FAP: variants seen among roughly 807,000 people sequenced by gnomAD.
FAP encodes fibroblast activation protein alpha, also known as prolyl endopeptidase FAP.
Under a neutral mutation model 126.5 loss-of-function variants are expected in FAP, and 110 were observed. The observed-to-expected ratio is 0.87, with a 90% CI of 0.74 to 1.02. The LOEUF is 1.02. Ranked by LOEUF, FAP falls within the 50% of genes least tolerant of loss-of-function variation. The pLI is 0.00. For missense variants in FAP, 919 were observed against 909.2 expected (o/e 1.01, Z -0.14); for synonymous variants, 334 against 297.3 (o/e 1.12, Z -1.27).
At position 162,215,950 on chromosome 2, in the gene FAP, G is replaced by A; in HGVS notation, c.814C>T (p.Pro272Ser). The change falls in exon 10 of 26, where the codon CCT (proline) becomes TCT (serine). Residue 272 changes from proline (P) to serine (S), a missense_variant. Transcript: ENST00000188790. ...VRIFIIDTTY[P>S]AYVGPQEVPV... is the part of the protein sequence containing the mutation. ...ACTTCCTGGGGACCTACATACGCAGGGTAAGTGGTATCGATAATAAATATC... is the reference window on the plus strand; with the variant it reads ...ACTTCCTGGGGACCTACATACGCAGAGTAAGTGGTATCGATAATAAATATC... 6.2e-7 allele frequency: 1 copy of A among 1,613,998 alleles called. No individual in the cohort carries two copies. Among genetic ancestry groups the A allele is most frequent in the Non-Finnish European group, 8.5e-7 (1 of 1,179,960 alleles).
At chr2:162,171,658 C>T (rs1687308610) in intron 25 of FAP, 1 of 152,180 alleles carries the variant, frequency 6.6e-6, no homozygotes, top group Admixed American at 6.5e-5. Flanking sequence ...AAGATTATTG[C>T]TTTCACTGAA....
At chr2:162,194,770 A>G (rs1307450713) in intron 16 of FAP, 22 bp from the exon 17 acceptor site, 1 of 1,611,612 alleles carries the variant, frequency 6.2e-7, no homozygotes, top group Non-Finnish European at 8.5e-7. Context: ...ATGAAAACAA[A>G]ATCATGGCTT....
intron 12 of FAP, among the ~76,000 whole-genome samples, chr2:162,208,443 A>C: frequency 6.6e-6 from 1 of 152,206 alleles, no homozygotes; most frequent in Non-Finnish European, 1.5e-5. Flanking sequence ...CAGCATTGTC[A>C]AAATAAATGT....
At chr2:162,180,481 C>T (rs1687658451) in intron 21 of FAP, among the ~76,000 whole-genome samples, 1 of 152,160 alleles carries the variant, frequency 6.6e-6, no homozygotes, top group African/African-American at 2.4e-5. Context: ...GGTGTCTTAA[C>T]AAGCTCTCCA....
intron 20 of FAP, among the ~76,000 whole-genome samples, chr2:162,185,077 G>A (rs2106223299): frequency 6.6e-6 from 1 of 152,244 alleles, no homozygotes; most frequent in East Asian, 1.9e-4. Context: ...AGACCAACGA[G>A]GCACTATAAA....
chr2:162,241,271 T>A (rs754248528), intron 2 of FAP, among the ~76,000 whole-genome samples: 1 of 152,222 alleles, frequency 6.6e-6, no homozygotes, highest in Non-Finnish European at 1.5e-5. Flanking sequence ...AATTGTATTA[T>A]AAATTACATA....
intron 20 of FAP, among the ~76,000 whole-genome samples, chr2:162,186,872 C>A (rs1236046194): frequency 6.6e-6 from 1 of 151,964 alleles, no homozygotes; most frequent in Non-Finnish European, 1.5e-5. Context: ...AAACTGATGT[C>A]TCAGTGGGGT....
At chr2:162,182,656 T>C (rs1172747730) in intron 21 of FAP, among the ~76,000 whole-genome samples, 3 of 152,164 alleles carry the variant, frequency 2.0e-5, no homozygotes, top group Non-Finnish European at 2.9e-5. Context: ...TGGCTGCAAA[T>C]TGACTTGCAA....
intron 15 of FAP, among the ~76,000 whole-genome samples, chr2:162,199,615 C>T (rs763555543): frequency 3.3e-5 from 5 of 152,158 alleles, no homozygotes; most frequent in Non-Finnish European, 7.3e-5. Context: ...GGATGTCATG[C>T]CAGGGTCTGG....
chr2:162,222,196 A>T (rs1465706612), intron 6 of FAP, among the ~76,000 whole-genome samples: 3 of 152,226 alleles, frequency 2.0e-5, no homozygotes, highest in Non-Finnish European at 4.4e-5. Context: ...CAAAGACATG[A>T]TGAGAGCTTT....
chr2:162,212,805 G>GT (rs1333997924), intron 11 of FAP, among the ~76,000 whole-genome samples: 14 of 152,062 alleles, frequency 9.2e-5, no homozygotes, highest in African/African-American at 3.4e-4. Flanking sequence ...AAAATATTTT[G>GT]TATCTCTTAG....
chr2:162,231,459 A>AT (rs2106295518), intron 2 of FAP, among the ~76,000 whole-genome samples: 1 of 152,304 alleles, frequency 6.6e-6, no homozygotes, highest in South Asian at 2.1e-4. Context: ...TTCTGAAAGC[A>AT]TATCTCTCCT....
chr2:162,240,692 G>T (rs1327618146), intron 2 of FAP, among the ~76,000 whole-genome samples: 2 of 152,214 alleles, frequency 1.3e-5, no homozygotes, highest in African/African-American at 4.8e-5. Flanking sequence ...TAAAATTCTG[G>T]GCTGAGGATA....
At chr2:162,175,614 T>A (rs1363943735) in intron 21 of FAP, 1 of 152,112 alleles carries the variant, frequency 6.6e-6, no homozygotes, top group Non-Finnish European at 1.5e-5. Context: ...TTCCTGCAAA[T>A]TTAAGGAAAA....
chr2:162,198,057 G>T, intron 16 of FAP: 1 of 735,818 alleles, frequency 1.4e-6, no homozygotes, highest in Non-Finnish European at 1.9e-6. Context: ...ATAAAAGGTT[G>T]CACATAAAAT....
chr2:162,201,254 G>A (rs982776673), intron 14 of FAP, among the ~76,000 whole-genome samples: 10 of 152,048 alleles, frequency 6.6e-5, no homozygotes, highest in African/African-American at 1.9e-4. Flanking sequence ...TTTCCCCCAC[G>A]AATGTGAAAA....
rs1029110453 is a variant in FAP at position 162,219,723 on chromosome 2, G to A, written c.486+130C>T. Reference sequence around the variant, plus strand: ...GTTTCAATTTATCAAAACTCTTCCCGTTTTTAACCACTAAAATAGTCATGA... The same window carrying A: ...GTTTCAATTTATCAAAACTCTTCCCATTTTTAACCACTAAAATAGTCATGA... On this transcript the variant is annotated intron_variant, in intron 7 of 25. Transcript: ENST00000188790. 18 of 700,072 alleles carry A rather than the reference G, an allele frequency of 2.6e-5. No individual in the cohort carries two copies. The East Asian group carries it at 2.7e-4, about 11-fold the overall frequency. 43.4% of individuals were successfully genotyped at this position (700,072 alleles called of 1,614,324 possible). A position where few individuals can be genotyped will look rare whatever the true frequency, so the allele number is the denominator to read the frequency against.
At chr2:162,183,316 CAACATT>C in intron 21 of FAP, 92 bp downstream of exon 21, 2 of 925,718 alleles carry the variant, frequency 2.2e-6, no homozygotes, top group South Asian at 2.9e-5. Context: ...AATTATGTTG[CAACATT>C]AACATTTCAT....
At chr2:162,226,750 A>C in intron 2 of FAP, 129 bp from the exon 3 acceptor site, 1 of 555,704 alleles carries the variant, frequency 1.8e-6, no homozygotes, top group Non-Finnish European at 3.2e-6. Flanking sequence ...TGGTTGTTGA[A>C]CTCCTATCAT....
Sources: allele counts gnomAD v4.1 joint callset (sites outside exome capture counted in the v4.1 genomes callset), GRCh38; gene constraint gnomAD v4.1.1; transcripts MANE v1.5; gene names NCBI Gene and HGNC (gene_info 2026-07-23, HGNC 2026-07-21).